FRMPD4: variants seen among roughly 807,000 people sequenced by gnomAD.
FRMPD4 encodes FERM and PDZ domain-containing protein 4.
FRMPD4 carries 22 observed loss-of-function variants against 94.1 expected under a neutral mutation model. The observed-to-expected ratio is 0.23, with a 90% CI of 0.17 to 0.33. FRMPD4 has a LOEUF of 0.33. FRMPD4 is among the 10% of genes least tolerant of loss of function. FRMPD4 has a pLI of 1.00. For synonymous variants in FRMPD4, 631 were observed against 548.6 expected, an observed-to-expected ratio of 1.15 and a Z score of -2.10; for missense variants, 1,111 against 1,339.9, an observed-to-expected ratio of 0.83 and a Z score of 2.67.
intron 8 of FRMPD4, among the ~76,000 whole-genome samples, chrX:12,692,353 G>C (rs1374124241): frequency 3.6e-5 from 4 of 112,394 alleles, no homozygotes; most frequent in Non-Finnish European, 7.5e-5. Flanking sequence ...AAACAAACCA[G>C]CTATATGCCT....
intron 1 of FRMPD4, among the ~76,000 whole-genome samples, chrX:12,346,637 T>A (rs186922584): frequency 1.8e-5 from 2 of 111,610 alleles, no homozygotes; most frequent in Admixed American, 9.5e-5. Flanking sequence ...TTACAAATAA[T>A]TTGGAGTCTG....
chrX:12,317,073 C>A (rs1424040896), intron 1 of FRMPD4, among the ~76,000 whole-genome samples: 1 of 111,881 alleles, frequency 8.9e-6, no homozygotes, highest in East Asian at 2.8e-4. Context: ...TCTCTCACGG[C>A]TGCATAAATT....
At chrX:12,635,599 A>G (rs1217377955) in intron 4 of FRMPD4, among the ~76,000 whole-genome samples, 1 of 111,263 alleles carries the variant, frequency 9.0e-6, no homozygotes, top group Non-Finnish European at 1.9e-5. Context: ...GGAATATGCT[A>G]GGAGGGGCCA....
intron 3 of FRMPD4, among the ~76,000 whole-genome samples, chrX:11,914,733 T>C (rs1228285566): frequency 8.9e-6 from 1 of 112,624 alleles, no homozygotes; most frequent in Admixed American, 9.4e-5. Context: ...CTGTGTGTTC[T>C]TTAAACTGTA....
chrX:12,715,999 C>CCGGGGCG, intron 14 of FRMPD4, 70 bp from the exon 15 acceptor site: 1 of 337,362 alleles, frequency 3.0e-6, no homozygotes, highest in Non-Finnish European at 5.4e-6. Flanking sequence ...CAGAGACGAG[C>CCGGGGCG]CTCCCACCCC....
chrX:11,906,115 T>TTTTATTTATTTATTTATTTA (rs59185589), intron 3 of FRMPD4, among the ~76,000 whole-genome samples: 12 of 88,247 alleles, frequency 1.4e-4, no homozygotes, highest in Non-Finnish European at 2.0e-4. Flanking sequence ...TTTCCCTTCA[T>TTTTATTTATTTATTTATTTA]TTTATTTATT....
chrX:12,709,754 G>T (rs2041947074), intron 13 of FRMPD4, among the ~76,000 whole-genome samples: 2 of 112,325 alleles, frequency 1.8e-5, no homozygotes, highest in African/African-American at 6.5e-5. Flanking sequence ...TAATTTACCA[G>T]TTTAACATGT....
Position 12,138,653 on chromosome X carries a change from G to A in FRMPD4, c.-319G>A. On this transcript the variant is annotated 5_prime_UTR_variant, in exon 1 of 17. Transcript: ENST00000675598. ...GGCAGTCCCCGGGGCTAGAGCGCAC[G>A]GGGCGGGGCGCGAGACCCGGGCCGC... 3.4e-6 allele frequency: 1 copy of A among 295,371 alleles called. No homozygotes were observed. The highest frequency in any genetic ancestry group is 2.7e-5 in the African/African-American group (1 of 36,980). 24.3% of individuals were successfully genotyped at this position (295,371 alleles called of 1,213,427 possible).
chrX:12,579,387 G>A (rs1011857700), intron 2 of FRMPD4, among the ~76,000 whole-genome samples: 1 of 112,004 alleles, frequency 8.9e-6, no homozygotes, highest in African/African-American at 3.2e-5. Flanking sequence ...CCTATCTTCA[G>A]GGACACATTT....
At chrX:12,334,332 G>A (rs923707738) in intron 1 of FRMPD4, among the ~76,000 whole-genome samples, 3 of 110,831 alleles carry the variant, frequency 2.7e-5, no homozygotes, top group East Asian at 2.8e-4. Flanking sequence ...TTTCTTTCTC[G>A]GATTCGTGTC....
At chrX:12,446,895 C>T (rs1601951883) in intron 1 of FRMPD4, among the ~76,000 whole-genome samples, 2 of 111,705 alleles carry the variant, frequency 1.8e-5, no homozygotes, top group South Asian at 7.6e-4. Flanking sequence ...GCAATGAGAG[C>T]GAGCACTGCT....
chrX:11,827,399 A>G (rs2053450333), intron 1 of FRMPD4, among the ~76,000 whole-genome samples: 1 of 109,950 alleles, frequency 9.1e-6, no homozygotes, highest in Non-Finnish European at 1.9e-5. Flanking sequence ...GTGGAAGTAG[A>G]TAAGAAAACC....
chrX:11,986,472 GAAGA>G (rs1351184874), intron 3 of FRMPD4, among the ~76,000 whole-genome samples: 1 of 111,660 alleles, frequency 9.0e-6, no homozygotes, highest in Non-Finnish European at 1.9e-5. Context: ...CATCAAAAAA[GAAGA>G]AAGACTTCAA....
At chrX:12,265,060 G>A (rs2054250946) in intron 1 of FRMPD4, among the ~76,000 whole-genome samples, 2 of 111,998 alleles carry the variant, frequency 1.8e-5, no homozygotes, top group Admixed American at 1.9e-4. Context: ...GTAAAAACAA[G>A]AGTTACCTGT....
At chrX:12,375,268 T>C (rs751886823) in intron 1 of FRMPD4, 10 of 112,846 alleles carry the variant, frequency 8.9e-5, no homozygotes, top group Non-Finnish European at 1.9e-4. Context: ...CTTAAACAAC[T>C]CAATTTATAA....
chrX:11,875,281 T>A (rs1449085022), intron 2 of FRMPD4, among the ~76,000 whole-genome samples: 1 of 111,941 alleles, frequency 8.9e-6, no homozygotes, highest in Non-Finnish European at 1.9e-5. Flanking sequence ...ATAAGCTCTT[T>A]GAGGGCAGGG....
At chrX:11,952,571 T>C (rs1465276302) in intron 3 of FRMPD4, among the ~76,000 whole-genome samples, 3 of 112,512 alleles carry the variant, frequency 2.7e-5, no homozygotes, top group African/African-American at 3.2e-5. Flanking sequence ...ATGTGAAAGC[T>C]TGAGGCTGAA....
At chrX:11,980,310 TA>T (rs2054390597) in intron 3 of FRMPD4, among the ~76,000 whole-genome samples, 1 of 111,726 alleles carries the variant, frequency 9.0e-6, no homozygotes, top group South Asian at 3.7e-4. Context: ...TCTTTTTTCC[TA>T]ATATTTTAAA....
intron 1 of FRMPD4, among the ~76,000 whole-genome samples, chrX:12,238,428 C>T (rs1022410134): frequency 7.2e-5 from 8 of 111,861 alleles, no homozygotes; most frequent in South Asian, 3.7e-4. Flanking sequence ...CATGAGCCAC[C>T]GCGTCCAGCC....
Sources: gnomAD v4.1 joint callset for allele counts (sites outside exome capture counted in the v4.1 genomes callset) on GRCh38, gnomAD v4.1.1 for gene constraint, MANE v1.5 for transcripts, NCBI Gene and HGNC (gene_info 2026-07-23, HGNC 2026-07-21) for gene names.